The following KLHL32 variants were observed in gnomAD, a reference collection of about 807,000 sequenced individuals.
The protein encoded by KLHL32 is kelch like family member 32.
In KLHL32, 35 loss-of-function variants were observed where a neutral mutation model predicts 64.8. That is an observed-to-expected ratio of 0.54 (90% confidence interval 0.41 to 0.72). The LOEUF is 0.72. KLHL32 is among the 30% of genes least tolerant of loss of function. The pLI is 0.00. For synonymous variants in KLHL32, 259 were observed against 281.0 expected, an observed-to-expected ratio of 0.92 and a Z score of 0.78; for missense variants, 589 against 768.5, an observed-to-expected ratio of 0.77 and a Z score of 2.76.
At chr6:97,066,468 G>A (rs1036076837) in intron 5 of KLHL32, among the ~76,000 whole-genome samples, 10 of 152,180 alleles carry the variant, frequency 6.6e-5, no homozygotes, top group African/African-American at 2.4e-4. Context: ...TCATTATTGT[G>A]CTGAGGTAAA....
intron 4 of KLHL32, among the ~76,000 whole-genome samples, chr6:97,051,715 G>C (rs1786936734): frequency 6.6e-6 from 1 of 152,186 alleles, no homozygotes; most frequent in East Asian, 1.9e-4. Flanking sequence ...TCCTTTAGGT[G>C]CTCCCTCAAA....
At chr6:97,014,014 G>A (rs1457021199) in intron 3 of KLHL32, among the ~76,000 whole-genome samples, 1 of 152,138 alleles carries the variant, frequency 6.6e-6, no homozygotes, top group African/African-American at 2.4e-5. Context: ...CTCTGTATAT[G>A]TTTCTTTTTT....
rs573485826 is a variant in KLHL32 at position 97,043,735 on chromosome 6, T to C, written c.312+2136T>C. Among the ~76,000 whole-genome samples the C allele has an allele frequency of 2.9e-4, 31 of 105,160 alleles. No homozygotes were observed. In the South Asian group the frequency reaches 7.2e-3, roughly 24 times the overall value. 69.0% of individuals were successfully genotyped at this position (105,160 alleles called of 152,430 possible). A position where few individuals can be genotyped will look rare whatever the true frequency, so the allele number is the denominator to read the frequency against. On this transcript the variant is annotated intron_variant, in intron 4 of 10. Coordinates refer to ENST00000369261, the MANE Select transcript of KLHL32 (RefSeq NM_052904.4). ...CATCAATACTTGTTATCGATTGTCT[T>C]TTTTTTATAGTAGGGGTGAGGCGAT...
chr6:97,041,999 G>GTACC (rs1460857553), intron 4 of KLHL32, among the ~76,000 whole-genome samples: 1 of 152,074 alleles, frequency 6.6e-6, no homozygotes, highest in Non-Finnish European at 1.5e-5. Context: ...CAACGTCTTG[G>GTACC]TACCATGTCC....
chr6:96,917,683 G>A, the KLHL32 span, among the ~76,000 whole-genome samples: 1 of 152,162 alleles, frequency 6.6e-6, no homozygotes, highest in African/African-American at 2.4e-5. Context: ...CAGGAAGACT[G>A]CTGAGTGTGG....
chr6:96,982,920 C>T (rs1018545790), intron 3 of KLHL32, among the ~76,000 whole-genome samples: 10 of 152,246 alleles, frequency 6.6e-5, no homozygotes, highest in Non-Finnish European at 1.3e-4. Context: ...ACACTATGTT[C>T]AATAGGAGTG....
intron 6 of KLHL32, among the ~76,000 whole-genome samples, chr6:97,096,919 C>G (rs1795063465): frequency 6.6e-6 from 1 of 152,194 alleles, no homozygotes; most frequent in South Asian, 2.1e-4. Flanking sequence ...ATAAATGGGT[C>G]TGCTAATGAA....
At chr6:96,987,166 G>A (rs1777210489) in intron 3 of KLHL32, among the ~76,000 whole-genome samples, 1 of 152,096 alleles carries the variant, frequency 6.6e-6, no homozygotes, top group African/African-American at 2.4e-5. Context: ...ACCAGCTCCT[G>A]GATTCATTGA....
In KLHL32 at chr6:96,976,154, G is replaced by A. The variant is rs1414056809; in HGVS notation, c.181G>A (p.Ala61Thr). 1.9e-6 allele frequency: 3 copies of A among 1,575,892 alleles called. No homozygotes were observed. The highest frequency in any genetic ancestry group is 2.6e-6 in the Non-Finnish European group (3 of 1,155,930). ...ATTCCATGCTCACAAGGCAGTCCTAGCAGCATGCAGTGACTATTTCCGGGT... is the reference window on the plus strand; with the variant it reads ...ATTCCATGCTCACAAGGCAGTCCTAACAGCATGCAGTGACTATTTCCGGGT... ...QKFHAHKAVL[A>T]ACSDYFRAMF... Residue 61 changes from alanine to threonine, a missense_variant, in exon 3 of 11, where the codon GCA becomes ACA. Coordinates refer to ENST00000369261, the MANE Select transcript of KLHL32 (RefSeq NM_052904.4).
chr6:96,905,046 A>G, the KLHL32 span, among the ~76,000 whole-genome samples: 2 of 152,186 alleles, frequency 1.3e-5, no homozygotes, highest in Non-Finnish European at 2.9e-5. Flanking sequence ...TATGGAAGTA[A>G]GGAACACCTC....
At chr6:97,027,174 A>G (rs149020345) in intron 3 of KLHL32, among the ~76,000 whole-genome samples, 4,817 of 148,602 alleles carry the variant, frequency 0.032, 236 homozygotes, top group African/African-American at 0.11. Flanking sequence ...AAAAAAAAAA[A>G]AAAGAAAAAG....
At chr6:97,037,876 C>T (rs1784529518) in intron 3 of KLHL32, among the ~76,000 whole-genome samples, 1 of 152,142 alleles carries the variant, frequency 6.6e-6, no homozygotes, top group Non-Finnish European at 1.5e-5. Flanking sequence ...CACACATTTA[C>T]AGACAACTCA....
chr6:97,085,202 T>C lies in KLHL32; in HGVS notation c.488T>C (p.Val163Ala). Residue 163 changes from valine (V) to alanine (A), a missense_variant, in exon 6 of 11, where the codon GTG (valine) becomes GCG (alanine). By Grantham distance (64) the Val-to-Ala change is moderately conservative (BLOSUM62 0). Coordinates refer to ENST00000369261, the MANE Select transcript of KLHL32 (RefSeq NM_052904.4). ...LFNLTLLEKA[V>A]IDFLVKHLSE... ...AACCTCACTTTGTTGGAGAAGGCAG[T>C]GATCGATTTCTTAGTGAAACATCTC... The C allele has an allele frequency of 1.2e-6, 2 of 1,614,100 alleles. No individual in the cohort carries two copies. Among genetic ancestry groups the C allele is most frequent in the South Asian group, 2.2e-5 (2 of 91,074 alleles).
chr6:97,005,302 A>G (rs186862559), intron 3 of KLHL32, among the ~76,000 whole-genome samples: 5 of 151,948 alleles, frequency 3.3e-5, no homozygotes, highest in African/African-American at 4.8e-5. Context: ...GGTATTTTGC[A>G]TATCTGTGGG....
the KLHL32 span, among the ~76,000 whole-genome samples, chr6:96,911,089 G>A: frequency 2.6e-5 from 4 of 152,198 alleles, no homozygotes; most frequent in South Asian, 2.1e-4. Context: ...TAGGGTTGCC[G>A]TAACAAAGTA....
upstream of KLHL32, among the ~76,000 whole-genome samples, chr6:96,919,756 A>C (rs1034769325): frequency 6.6e-6 from 1 of 152,210 alleles, no homozygotes; most frequent in African/African-American, 2.4e-5. Context: ...ACAGAAAGGT[A>C]GAAAATGAAA....
At chr6:96,914,221 G>A in the KLHL32 span, among the ~76,000 whole-genome samples, 1 of 152,164 alleles carries the variant, frequency 6.6e-6, no homozygotes, top group African/African-American at 2.4e-5. Context: ...TTAGCCCAGT[G>A]AGACCCATGC....
intron 1 of KLHL32, among the ~76,000 whole-genome samples, chr6:96,930,914 G>A (rs931140592): frequency 1.3e-5 from 2 of 152,112 alleles, no homozygotes; most frequent in African/African-American, 4.8e-5. Context: ...GTCCACATCT[G>A]CAAAAAGCAC....
chr6:96,910,993 G>A, the KLHL32 span, among the ~76,000 whole-genome samples: 1 of 152,286 alleles, frequency 6.6e-6, no homozygotes, highest in Admixed American at 6.5e-5. Flanking sequence ...AGTTAATTGT[G>A]TAAATAACAT....
Sources: allele counts gnomAD v4.1 joint callset (sites outside exome capture counted in the v4.1 genomes callset), GRCh38; gene constraint gnomAD v4.1.1; transcripts MANE v1.5; gene names NCBI Gene and HGNC (gene_info 2026-07-23, HGNC 2026-07-21).